UBR4: variants seen among roughly 807,000 people sequenced by gnomAD.
UBR4 encodes the protein ubiquitin protein ligase E3 component n-recognin 4, also known as E3 ubiquitin-protein ligase UBR4.
A neutral mutation model predicts 575.6 loss-of-function variants in UBR4; 124 were observed. The ratio of observed to expected loss-of-function variants is 0.22; its 90% CI spans 0.19 to 0.25. The LOEUF (loss-of-function observed/expected upper bound fraction) is 0.25. Ranked by LOEUF, UBR4 falls within the 10% of genes least tolerant of loss-of-function variation. The pLI, the probability that UBR4 is intolerant of heterozygous loss-of-function variation, is 1.00. For synonymous variants in UBR4, 2,455 were observed against 2,473.7 expected (o/e 0.99, Z 0.22); for missense variants, 4,818 against 6,478.8 (o/e 0.74, Z 8.80).
intron 1 of UBR4, among the ~76,000 whole-genome samples, chr1:19,205,851 C>A (rs1349742365): frequency 6.6e-6 from 1 of 152,144 alleles, no homozygotes. Context: ...ACAGAAACCT[C>A]GAACAGGTTT....
intron 97 of UBR4, among the ~76,000 whole-genome samples, chr1:19,091,812 G>A (rs2077539547): frequency 6.6e-6 from 1 of 152,134 alleles, no homozygotes; most frequent in Non-Finnish European, 1.5e-5. Context: ...GCACTCTTGG[G>A]CATTTATCCC....
chr1:19,170,756 T>C lies in UBR4; in HGVS notation c.3643+6A>G, dbSNP rs2089408679. 1 of 1,614,208 alleles carries C rather than the reference T, an allele frequency of 6.2e-7. No homozygotes were observed. The highest frequency in any genetic ancestry group is 1.7e-5 in the Admixed American group (1 of 60,028). On this transcript the variant is annotated splice_donor_region_variant and intron_variant, in intron 26 of 105. Coordinates refer to ENST00000375254, the MANE Select transcript of UBR4 (RefSeq NM_020765.3). ...ATATTACTCAAAAGCACATTTGTTC[T>C]CTTACCCAGAGTATTTGCCTTGCAC... is the stretch of plus-strand genomic sequence containing the variant.
chr1:19,074,632 C>T lies in UBR4; in HGVS notation c.*200G>A, dbSNP rs985897686. ...GCCCTTTGATGGCTTGGGTTACAGA[C>T]AACCTCATAGCTGGTGCACCACACA... On this transcript the variant is annotated 3_prime_UTR_variant, in exon 106 of 106. Coordinates refer to ENST00000375254, the MANE Select transcript of UBR4 (RefSeq NM_020765.3). 6.4e-6 allele frequency: 4 copies of T among 624,460 alleles called. No homozygotes were observed. In the Admixed American group the frequency reaches 8.1e-5, roughly 13 times the overall value. The allele number at this position is 624,460 out of a possible 1,614,324, so 38.7% of individuals were successfully genotyped here. A position where few individuals can be genotyped will look rare whatever the true frequency, so the allele number is the denominator to read the frequency against.
Position 19,100,323 on chromosome 1 carries a change from T to A in UBR4, c.13221+53A>T, listed in dbSNP as rs992428445. The stretch of plus-strand genomic sequence containing the variant: ...AAGAAGCACCTGGATTTGGTTAGCC[T>A]AGGAGGAAGCCCCTAATCGTAAACG... On this transcript the variant is annotated intron_variant, in intron 89 of 105. Transcript: ENST00000375254. The surrounding 1 kb of genome is among the most constrained non-coding windows in gnomAD (Gnocchi z 4.2). 1.2e-6 allele frequency: 2 copies of A among 1,604,444 alleles called. No individual in the cohort carries two copies. Among genetic ancestry groups the A allele is most frequent in the East Asian group, 4.5e-5 (2 of 44,802 alleles).
chr1:19,077,725 C>A, intron 104 of UBR4: 1 of 1,400,318 alleles, frequency 7.1e-7, no homozygotes. Flanking sequence ...AAGAACAAAA[C>A]TCCGTCTCAA....
At chr1:19,075,221 G>A (rs1037960004) in intron 105 of UBR4, 1 of 341,994 alleles carries the variant, frequency 2.9e-6, no homozygotes, top group Admixed American at 4.3e-5. Flanking sequence ...AGGAGTGGAA[G>A]GCACGGAGGC....
chr1:19,081,734 C>T (rs1489946327), intron 102 of UBR4, 161 bp from the exon 103 acceptor site: 7 of 798,472 alleles, frequency 8.8e-6, no homozygotes, highest in South Asian at 5.6e-5. Context: ...CTCCCACTTC[C>T]TCTGATAATC....
Position 19,160,179 on chromosome 1 carries a change from G to C in UBR4, c.5509C>G (p.Arg1837Gly), listed in dbSNP as rs747395263. 3.7e-6 allele frequency: 6 copies of C among 1,614,012 alleles called. No homozygotes were observed. In the South Asian group the frequency reaches 6.6e-5, roughly 18 times the overall value. The change falls in exon 39 of 106, where the codon CGT (arginine) becomes GGT (glycine). Residue 1837 changes from arginine to glycine, a missense_variant. Transcript: ENST00000375254. Reference protein sequence around the residue: ...QQASAVGSSSRAQQALSELHT... With the variant: ...QQASAVGSSSGAQQALSELHT... ...AGCTCACTGAGGGCTTGCTGAGCACGGCTGCTGCTCCCGACGGCTGAAGCT... is the reference window on the plus strand; with the variant it reads ...AGCTCACTGAGGGCTTGCTGAGCACCGCTGCTGCTCCCGACGGCTGAAGCT...
At chr1:19,122,363 A>C (rs1465940358) in intron 66 of UBR4, among the ~76,000 whole-genome samples, 1 of 152,268 alleles carries the variant, frequency 6.6e-6, no homozygotes, top group Admixed American at 6.5e-5. Context: ...AAGCAAGAAC[A>C]TGAGCCAGCT....
rs2078489699 is a variant in UBR4, at chr1:19,100,232, C to A, written c.13221+144G>T. On this transcript the variant is annotated intron_variant, in intron 89 of 105. Coordinates refer to ENST00000375254, the MANE Select transcript of UBR4 (RefSeq NM_020765.3). The surrounding 1 kb of genome is among the most constrained non-coding windows in gnomAD (Gnocchi z 4.2). ...CTAGGTGAGGTAGAAAGGTGGGAATCATTAACCCCAACTTACAGAGTGGAG... is the reference window on the plus strand; with the variant it reads ...CTAGGTGAGGTAGAAAGGTGGGAATAATTAACCCCAACTTACAGAGTGGAG... 2 of 810,340 alleles carry A rather than the reference C, an allele frequency of 2.5e-6. No individual in the cohort carries two copies. Among genetic ancestry groups the A allele is most frequent in the Admixed American group, 2.4e-5 (1 of 42,530 alleles). 50.2% of individuals were successfully genotyped at this position (810,340 alleles called of 1,614,324 possible). A position where few individuals can be genotyped will look rare whatever the true frequency, so the allele number is the denominator to read the frequency against.
rs1257204505 is a variant in UBR4, at chr1:19,155,526, G to A, written c.6215C>T (p.Thr2072Ile). 1.9e-6 allele frequency: 3 copies of A among 1,614,090 alleles called. No homozygotes were observed. The highest frequency in any genetic ancestry group is 2.5e-6 in the Non-Finnish European group (3 of 1,179,994). ...VIMSSAGYIY[T>I]QLMEEASSAQ... is the part of the protein sequence containing the mutation. ...ACTGCTGGCCTCTTCCATAAGCTGA[G>A]TATAGATGTACCCAGCCGAAGACAT... The change falls in exon 43 of 106, where the codon ACT (threonine) becomes ATT (isoleucine). Residue 2072 changes from threonine (T) to isoleucine (I), a missense_variant. By Grantham distance (89) the Thr-to-Ile change is moderately conservative. This residue lies in a region of UBR4 where 461 missense variants were observed against 606.9 expected (regional missense o/e 0.76). Transcript: ENST00000375254.
chr1:19,163,073 A>G (rs944166541), intron 34 of UBR4, among the ~76,000 whole-genome samples: 4 of 152,256 alleles, frequency 2.6e-5, no homozygotes, highest in Non-Finnish European at 2.9e-5. Flanking sequence ...AAAAAATTCT[A>G]GCAAATCATT....
At chr1:19,185,401 T>C in intron 14 of UBR4, 115 bp from the exon 15 acceptor site, 1 of 1,038,398 alleles carries the variant, frequency 9.6e-7, no homozygotes, top group South Asian at 1.9e-5. Context: ...CCAATTGTGA[T>C]GATGGTTACA....
chr1:19,150,813 C>T lies in UBR4; in HGVS notation c.7214-20G>A, dbSNP rs1408932633. 1 of 1,611,756 alleles carries T rather than the reference C, an allele frequency of 6.2e-7. No individual in the cohort carries two copies. The highest frequency in any genetic ancestry group is 2.2e-5 in the East Asian group (1 of 44,858). ...CCCCAACTGCAATAAGCAAGAGAGG[C>T]CTTTAGGAAGCACATTCTCTAAAAA... On this transcript the variant is annotated intron_variant, in intron 48 of 105. Coordinates refer to ENST00000375254, the MANE Select transcript of UBR4 (RefSeq NM_020765.3).
intron 8 of UBR4, among the ~76,000 whole-genome samples, chr1:19,195,379 T>C (rs1280656803): frequency 2.6e-5 from 4 of 151,860 alleles, no homozygotes; most frequent in Non-Finnish European, 5.9e-5. Context: ...AAAGACATCA[T>C]AGCCAAATCC....
At chr1:19,133,682 G>C (rs1055728948) in intron 60 of UBR4, among the ~76,000 whole-genome samples, 1 of 152,094 alleles carries the variant, frequency 6.6e-6, no homozygotes, top group Admixed American at 6.6e-5. Context: ...GGGTGCAGTG[G>C]CTCACACATG....
chr1:19,161,109 A>G lies in UBR4; in HGVS notation c.5214T>C (p.Ser1738=), dbSNP rs2087271475. Residue 1738 remains serine (S), a synonymous_variant, in exon 38 of 106, where the codon TCT becomes TCC. Coordinates refer to ENST00000375254, the MANE Select transcript of UBR4 (RefSeq NM_020765.3). ...TCTGAAATGCCGACTCCTTCATGGT[A>G]GAGCTCATGCCACTGCTAGGAGTTC... is the stretch of plus-strand genomic sequence containing the variant. ...VKRTPSSGMS[S]TMKESAFQSE... is the part of the protein sequence containing the mutation. 1.2e-6 allele frequency: 2 copies of G among 1,613,968 alleles called. No individual in the cohort carries two copies. The highest frequency in any genetic ancestry group is 2.7e-5 in the African/African-American group (2 of 74,910).
chr1:19,120,481 T>A, intron 68 of UBR4, 133 bp from the exon 69 acceptor site: 2 of 1,155,682 alleles, frequency 1.7e-6, no homozygotes, highest in Non-Finnish European at 2.4e-6. Context: ...GCTGATATTC[T>A]GCAAAACAAT....
intron 104 of UBR4, among the ~76,000 whole-genome samples, 187 bp from the exon 105 acceptor site, chr1:19,077,089 T>C (rs554179936): frequency 6.6e-6 from 1 of 152,304 alleles, no homozygotes; most frequent in East Asian, 1.9e-4. Context: ...TTCATTCCTC[T>C]TAGGCCCTCC....
Sources: gnomAD v4.1 joint callset for allele counts (sites outside exome capture counted in the v4.1 genomes callset) on GRCh38, gnomAD v4.1.1 for gene constraint, gnomAD v4.1.1 regional missense constraint, Gnocchi (gnomAD v3.1) non-coding constraint, MANE v1.5 for transcripts, NCBI Gene and HGNC (gene_info 2026-07-23, HGNC 2026-07-21) for gene names.